The following SPTB variants were observed in gnomAD, a reference collection of about 807,000 sequenced individuals.
SPTB encodes spectrin beta, erythrocytic.
Under a neutral mutation model 256.2 loss-of-function variants are expected in SPTB, and 45 were observed. That is an observed-to-expected ratio of 0.18 (90% confidence interval 0.14 to 0.23). SPTB has a LOEUF of 0.23. SPTB is among the 10% of genes least tolerant of loss of function. SPTB has a pLI of 1.00. For missense variants in SPTB, 2,715 were observed against 3,040.4 expected, an observed-to-expected ratio of 0.89 and a Z score of 2.52; for synonymous variants, 1,231 against 1,243.1, an observed-to-expected ratio of 0.99 and a Z score of 0.21.
intron 7 of SPTB, 68 bp downstream of exon 7, chr14:64,801,217 C>T: frequency 2.2e-6 from 3 of 1,392,120 alleles, no homozygotes; most frequent in Non-Finnish European, 3.0e-6. Flanking sequence ...GGCGGCTGAG[C>T]TCCTCTAGCA....
Position 64,786,931 on chromosome 14 carries a change from C to T in SPTB, c.3034G>A (p.Asp1012Asn), listed in dbSNP as rs776012646. 4 of 1,613,604 alleles carry T rather than the reference C, an allele frequency of 2.5e-6. No homozygotes were observed. The South Asian group carries it at 3.3e-5, about 13-fold the overall frequency. Residue 1012 changes from aspartate (D) to asparagine (N), a missense_variant, in exon 16 of 36, where the codon GAT becomes AAT. By Grantham distance (23) the Asp-to-Asn change is conservative. Around this residue, in one of 4 missense-constraint regions of SPTB, gnomAD observed 2,239 missense variants for 2,384.4 expected, o/e 0.94. Coordinates refer to ENST00000644917, the MANE Select transcript of SPTB (RefSeq NM_001355436.2). The surrounding 1 kb of genome is among the most constrained non-coding windows in gnomAD (Gnocchi z 5.6). Reference protein sequence around the residue: ...RDVAAIQARVDALERESQQLM... With the variant: ...RDVAAIQARVNALERESQQLM... ...TGCTGGGACTCACGCTCCAGGGCAT[C>T]CACACGGGCCTGGATGGCGGCCACG...
chr14:64,749,385 G>A lies in SPTB; in HGVS notation c.6908C>T (p.Pro2303Leu). ...GCTGGCGTCGGGGCCGGAGAGGGAA[G>A]GCAGGGGCAGGCTCTGCGCCTTGAC... ...IRVKAQSLPL[P>L]SLSGPDASLG... Residue 2303 changes from proline to leucine, a missense_variant, in exon 36 of 36, where the codon CCT becomes CTT. Transcript: ENST00000644917. This position sits in a 1 kb window ranked among gnomAD's most constrained non-coding sequence, Gnocchi z 4.7. 1.2e-6 allele frequency: 2 copies of A among 1,609,888 alleles called. No homozygotes were observed. Among genetic ancestry groups the A allele is most frequent in the African/African-American group, 1.3e-5 (1 of 75,062 alleles).
At position 64,779,983 on chromosome 14, in the gene SPTB, C is replaced by T; in HGVS notation, c.4267-52G>A. The stretch of plus-strand genomic sequence containing the variant: ...ACCAGCCTTGGCACCTGCACAGCCC[C>T]TCCATCTTCTTCATTCATCTGCATC... On this transcript the variant is annotated intron_variant, in intron 20 of 35. Transcript: ENST00000644917. The surrounding 1 kb of genome is among the most constrained non-coding windows in gnomAD (Gnocchi z 4.2). 1 of 1,486,204 alleles carries T rather than the reference C, an allele frequency of 6.7e-7. No homozygotes were observed. Among genetic ancestry groups the T allele is most frequent in the Non-Finnish European group, 9.4e-7 (1 of 1,064,544 alleles). 92.1% of individuals were successfully genotyped at this position (1,486,204 alleles called of 1,614,324 possible). A position where few individuals can be genotyped will look rare whatever the true frequency, so the allele number is the denominator to read the frequency against.
intron 20 of SPTB, 117 bp downstream of exon 20, chr14:64,782,173 T>C (rs943207633): frequency 1.4e-6 from 2 of 1,446,928 alleles, no homozygotes; most frequent in Non-Finnish European, 1.9e-6. Flanking sequence ...CATGTGTTTA[T>C]CTATGTGACA....
chr14:64,768,617 T>C (rs229599), intron 29 of SPTB, among the ~76,000 whole-genome samples: 278 of 152,040 alleles, frequency 1.8e-3, no homozygotes, highest in African/African-American at 6.3e-3. Context: ...ATGAGGAATG[T>C]CTGGGATTCC....
chr14:64,748,316 CATCTT>C lies in SPTB; in HGVS notation c.*985_*989del, dbSNP rs1246248683. The C allele has an allele frequency of 2.0e-5, 3 of 152,226 alleles. No homozygotes were observed. The highest frequency in any genetic ancestry group is 6.5e-5 in the Admixed American group (1 of 15,284). 9.4% of individuals were successfully genotyped at this position (152,226 alleles called of 1,614,324 possible). The stretch of plus-strand genomic sequence containing the variant: ...CTTTACTGCAGGTGCGGGGGGTATC[CATCTT>C]ATATCTGGGGGCCCACACTGTCCCG... On this transcript the variant is annotated 3_prime_UTR_variant, in exon 36 of 36. Transcript: ENST00000644917.
chr14:64,756,593 C>T (rs1015071437), intron 32 of SPTB: 1 of 152,114 alleles, frequency 6.6e-6, no homozygotes, highest in African/African-American at 2.4e-5. Flanking sequence ...AATACAATCC[C>T]TGCTCTTTAT....
intron 19 of SPTB, among the ~76,000 whole-genome samples, chr14:64,783,511 A>G (rs1332132037): frequency 1.3e-5 from 2 of 152,160 alleles, no homozygotes; most frequent in African/African-American, 4.8e-5. Context: ...CTAATAGTTA[A>G]TATTTATTGA....
chr14:64,767,308 C>G lies in SPTB; in HGVS notation c.6264G>C (p.Glu2088Asp). The G allele has an allele frequency of 6.2e-7, 1 of 1,614,100 alleles. No homozygotes were observed. Among genetic ancestry groups the G allele is most frequent in the Non-Finnish European group, 8.5e-7 (1 of 1,180,020 alleles). ...GACACACGGCCACCACTCACCCAGTCTCCTCTGCGGGTCTCTCTGCAATCT... is the reference window on the plus strand; with the variant it reads ...GACACACGGCCACCACTCACCCAGTGTCCTCTGCGGGTCTCTCTGCAATCT... ...ERQIAERPAE[E>D]TGPQEEEGET... The change falls in exon 31 of 36, where the codon GAG (glutamate) becomes GAC (aspartate). Residue 2088 changes from glutamate to aspartate, a missense_variant. By Grantham distance (45) the Glu-to-Asp change is conservative. Coordinates refer to ENST00000644917, the MANE Select transcript of SPTB (RefSeq NM_001355436.2).
In SPTB at chr14:64,807,051, G is replaced by A. The variant is rs755227129; in HGVS notation, c.149-1961C>T. On this transcript the variant is annotated intron_variant, in intron 2 of 35. Coordinates refer to ENST00000644917, the MANE Select transcript of SPTB (RefSeq NM_001355436.2). This position sits in a 1 kb window ranked among gnomAD's most constrained non-coding sequence, Gnocchi z 4.7. ...AAGGGAGTTTGATGCCATACTGGAC[G>A]GAAAGCAATTGCACTTATTTTGGGG... 1.2e-4 allele frequency among the ~76,000 whole-genome samples: 18 copies of A among 152,158 alleles called. No homozygotes were observed. Among genetic ancestry groups the A allele is most frequent in the Admixed American group, 5.9e-4 (9 of 15,284 alleles).
chr14:64,787,345 T>A (rs867106326), intron 15 of SPTB, among the ~76,000 whole-genome samples, 185 bp from the exon 16 acceptor site: 3 of 152,174 alleles, frequency 2.0e-5, no homozygotes, highest in African/African-American at 7.2e-5. Flanking sequence ...TCTCCAATTT[T>A]ACTCAAGACA....
chr14:64,815,144 G>A (rs376790610), intron 2 of SPTB, among the ~76,000 whole-genome samples: 2 of 152,142 alleles, frequency 1.3e-5, no homozygotes, highest in Non-Finnish European at 2.9e-5. Context: ...AGAACAGCCC[G>A]GAGGTTCTTA....
chr14:64,854,605 G>A (rs563160796), intron 1 of SPTB, among the ~76,000 whole-genome samples: 1 of 152,032 alleles, frequency 6.6e-6, no homozygotes, highest in East Asian at 1.9e-4. Context: ...ATTGGAGACA[G>A]CTCTGTCTCC....
intron 32 of SPTB, among the ~76,000 whole-genome samples, chr14:64,763,078 T>C (rs988006807): frequency 3.9e-5 from 6 of 152,208 alleles, no homozygotes; most frequent in Admixed American, 1.3e-4. Context: ...CTGGGGGGAC[T>C]TGCAGCATCA....
chr14:64,765,518 A>G (rs34935243), intron 32 of SPTB, among the ~76,000 whole-genome samples: 7,601 of 152,132 alleles, frequency 0.05, 289 homozygotes, highest in African/African-American at 0.1. Flanking sequence ...CTGTCCCTTG[A>G]GCCAGGCCTC....
At position 64,795,704 on chromosome 14, in the gene SPTB, G is replaced by C; in HGVS notation, c.1342-65C>G. 6.5e-7 allele frequency: 1 copy of C among 1,542,792 alleles called. No homozygotes were observed. The highest frequency in any genetic ancestry group is 2.2e-5 in the East Asian group (1 of 44,484). ...CCCAGGGGCTCATCCCCAAACTCAG[G>C]GACAGGGCAGCTCCCTTCAGAACCA... On this transcript the variant is annotated intron_variant, in intron 11 of 35. Transcript: ENST00000644917. The surrounding 1 kb of genome is among the most constrained non-coding windows in gnomAD (Gnocchi z 6.5).
rs184962510 is a variant in SPTB, at chr14:64,793,547, G to A, written c.2116C>T (p.Arg706Cys). The A allele has an allele frequency of 7.7e-5, 124 of 1,614,088 alleles. 1 individual carries two copies. Among genetic ancestry groups the A allele is most frequent in the Middle Eastern group, 4.9e-4 (3 of 6,062 alleles). ...ATCTGCGGGTGCCCAAACTGCTTGCGCGCAACCATGCCATGAGCCTCCTGG... is the reference window on the plus strand; with the variant it reads ...ATCTGCGGGTGCCCAAACTGCTTGCACGCAACCATGCCATGAGCCTCCTGG... Reference protein sequence around the residue: ...IFQEAHGMVARKQFGHPQIEA... With the variant: ...IFQEAHGMVACKQFGHPQIEA... Residue 706 changes from arginine (R) to cysteine (C), a missense_variant, in exon 14 of 36, where the codon CGC becomes TGC. Transcript: ENST00000644917. The surrounding 1 kb of genome is among the most constrained non-coding windows in gnomAD (Gnocchi z 7.0).
At chr14:64,822,059 G>A (rs1426370863) in intron 2 of SPTB, among the ~76,000 whole-genome samples, 5 of 151,922 alleles carry the variant, frequency 3.3e-5, no homozygotes, top group Non-Finnish European at 7.4e-5. Flanking sequence ...CTTCTTAGGA[G>A]GTGGAAGACG....
At position 64,759,824 on chromosome 14, in the gene SPTB, A is replaced by G. The variant is rs1381682520; in HGVS notation, c.6346-6031T>C. ...GAAGGAAGAGAGTCCCGCTGCTTGG[A>G]AGAAATTCTGGGTGTCCAGTTGCGG... On this transcript the variant is annotated intron_variant, in intron 32 of 35. Transcript: ENST00000644917. The surrounding 1 kb of genome is among the most constrained non-coding windows in gnomAD (Gnocchi z 4.8). Among the ~76,000 whole-genome samples the G allele has an allele frequency of 6.6e-6, 1 of 152,194 alleles. No homozygotes were observed. Among genetic ancestry groups the G allele is most frequent in the Non-Finnish European group, 1.5e-5 (1 of 68,038 alleles).
Sources: allele counts gnomAD v4.1 joint callset (sites outside exome capture counted in the v4.1 genomes callset), GRCh38; gene constraint gnomAD v4.1.1; regional missense constraint gnomAD v4.1.1; non-coding constraint Gnocchi (gnomAD v3.1); transcripts MANE v1.5; gene names NCBI Gene and HGNC (gene_info 2026-07-23, HGNC 2026-07-21).